CWC27: variants seen among roughly 807,000 people sequenced by gnomAD.
CWC27 encodes CWC27 spliceosome associated cyclophilin, also known as spliceosome-associated protein CWC27 homolog.
In CWC27, 47 loss-of-function variants were observed where a neutral mutation model predicts 63.6. The ratio of observed to expected loss-of-function variants is 0.74; its 90% CI spans 0.58 to 0.94. The LOEUF is 0.94. Among genes scored for constraint, CWC27 ranks in the 40% least tolerant of loss-of-function variants. The probability of loss-of-function intolerance (pLI) is 0.00; values close to 1 mark genes in which losing one functional copy is unlikely to be tolerated. For missense variants in CWC27, 495 were observed against 554.3 expected, an observed-to-expected ratio of 0.89 and a Z score of 1.07; for synonymous variants, 175 against 179.8, an observed-to-expected ratio of 0.97 and a Z score of 0.22.
chr5:64,919,606 T>C (rs1037184168), intron 11 of CWC27, among the ~76,000 whole-genome samples: 1 of 152,188 alleles, frequency 6.6e-6, no homozygotes, highest in Non-Finnish European at 1.5e-5. Flanking sequence ...GAACATGCAG[T>C]ATATGGTTTT....
At chr5:64,985,624 T>C (rs1393963395) in intron 13 of CWC27, among the ~76,000 whole-genome samples, 3 of 152,240 alleles carry the variant, frequency 2.0e-5, no homozygotes, top group East Asian at 1.9e-4. Context: ...ACCTGCAACA[T>C]TGTGAAACTC....
chr5:65,008,930 T>G (rs192613991), intron 13 of CWC27, among the ~76,000 whole-genome samples: 1 of 152,220 alleles, frequency 6.6e-6, no homozygotes, highest in African/African-American at 2.4e-5. Context: ...CAAAACACTT[T>G]GAAAGGGGTA....
At chr5:64,908,340 G>T (rs1747707006) in intron 11 of CWC27, among the ~76,000 whole-genome samples, 1 of 152,230 alleles carries the variant, frequency 6.6e-6, no homozygotes, top group Admixed American at 6.5e-5. Context: ...GCAACGTAAT[G>T]TTGAGAAGAA....
chr5:64,960,606 T>G (rs1748889315), intron 11 of CWC27, among the ~76,000 whole-genome samples: 1 of 152,172 alleles, frequency 6.6e-6, no homozygotes, highest in South Asian at 2.1e-4. Context: ...TTAGTAGCAT[T>G]AACATTTTTT....
At chr5:64,934,145 C>G (rs1201699303) in intron 11 of CWC27, among the ~76,000 whole-genome samples, 1 of 152,122 alleles carries the variant, frequency 6.6e-6, no homozygotes, top group African/African-American at 2.4e-5. Flanking sequence ...GATACATGTG[C>G]AGAACGTGCA....
chr5:64,946,846 G>C (rs780610579), intron 11 of CWC27, among the ~76,000 whole-genome samples: 11 of 152,012 alleles, frequency 7.2e-5, no homozygotes, highest in Non-Finnish European at 1.0e-4. Context: ...AGCTGATGAG[G>C]ACTTAACATT....
At chr5:64,926,231 C>G (rs1186603407) in intron 11 of CWC27, among the ~76,000 whole-genome samples, 2 of 151,938 alleles carry the variant, frequency 1.3e-5, no homozygotes, top group African/African-American at 2.4e-5. Flanking sequence ...CAACTAAATA[C>G]ACATTATTTA....
intron 13 of CWC27, among the ~76,000 whole-genome samples, chr5:65,013,332 G>A (rs1421678569): frequency 6.6e-6 from 1 of 152,154 alleles, no homozygotes; most frequent in Non-Finnish European, 1.5e-5. Context: ...CCCACAAAAG[G>A]AAGTTGACTC....
intron 11 of CWC27, among the ~76,000 whole-genome samples, chr5:64,909,737 G>A (rs1747744304): frequency 6.6e-6 from 1 of 152,074 alleles, no homozygotes; most frequent in Admixed American, 6.6e-5. Context: ...TGGCAATTGA[G>A]GTTTGTGCAT....
At chr5:64,774,851 C>A in intron 2 of CWC27, 64 bp downstream of exon 2, 2 of 930,458 alleles carry the variant, frequency 2.1e-6, no homozygotes, top group Non-Finnish European at 1.7e-6. Context: ...GCAGTGTCTG[C>A]TTCACAACAT....
chr5:64,943,339 T>TA (rs1355651485), intron 11 of CWC27, among the ~76,000 whole-genome samples: 1 of 152,248 alleles, frequency 6.6e-6, no homozygotes, highest in Non-Finnish European at 1.5e-5. Flanking sequence ...CAAAGCATTT[T>TA]AAAAACATTC....
At chr5:64,880,465 A>G (rs1746908703) in intron 10 of CWC27, among the ~76,000 whole-genome samples, 1 of 152,012 alleles carries the variant, frequency 6.6e-6, no homozygotes, top group Non-Finnish European at 1.5e-5. Flanking sequence ...ATTGAGGGAT[A>G]GAGGAGGTAA....
intron 11 of CWC27, among the ~76,000 whole-genome samples, chr5:64,924,885 A>G (rs16893246): frequency 0.019 from 2,933 of 152,034 alleles, 84 homozygotes; most frequent in African/African-American, 0.06. Flanking sequence ...AGTGGTAGTT[A>G]TTATTTTTAT....
At chr5:64,912,918 G>A (rs760030838) in intron 11 of CWC27, among the ~76,000 whole-genome samples, 22 of 152,150 alleles carry the variant, frequency 1.4e-4, no homozygotes, top group East Asian at 3.9e-4. Flanking sequence ...TTTGTTATTC[G>A]GTTTATGAAG....
intron 11 of CWC27, among the ~76,000 whole-genome samples, chr5:64,892,552 GT>G (rs1254576318): frequency 5.9e-5 from 9 of 152,070 alleles, no homozygotes; most frequent in African/African-American, 1.2e-4. Flanking sequence ...AAACACACGT[GT>G]TTTTTTCCCC....
intron 10 of CWC27, among the ~76,000 whole-genome samples, chr5:64,823,508 A>C (rs895202056): frequency 6.6e-6 from 1 of 152,170 alleles, no homozygotes; most frequent in African/African-American, 2.4e-5. Context: ...ATTAGTAGCT[A>C]TTATCCTTCA....
At chr5:64,835,758 T>A (rs1316580104) in intron 10 of CWC27, among the ~76,000 whole-genome samples, 3 of 151,900 alleles carry the variant, frequency 2.0e-5, no homozygotes, top group Non-Finnish European at 4.4e-5. Flanking sequence ...TAGACTTTTC[T>A]GATGACTTTT....
chr5:64,797,774 A>T (rs188856119), intron 7 of CWC27, among the ~76,000 whole-genome samples: 9 of 152,266 alleles, frequency 5.9e-5, no homozygotes, highest in South Asian at 2.1e-4. Flanking sequence ...CAATACAAGA[A>T]CCCATTTTAA....
chr5:64,969,468 C>T (rs1299785138), intron 11 of CWC27, among the ~76,000 whole-genome samples: 1 of 152,122 alleles, frequency 6.6e-6, no homozygotes, highest in Admixed American at 6.5e-5. Context: ...AGGTGCATGG[C>T]AAATGCTAAC....
Sources: gnomAD v4.1 joint callset for allele counts (sites outside exome capture counted in the v4.1 genomes callset) on GRCh38, gnomAD v4.1.1 for gene constraint, MANE v1.5 for transcripts, NCBI Gene and HGNC (gene_info 2026-07-23, HGNC 2026-07-21) for gene names.